The following CGNL1 variants were observed in gnomAD, a reference collection of about 807,000 sequenced individuals.
The protein encoded by CGNL1 is cingulin like 1, also known as cingulin-like protein 1.
CGNL1 carries 132 observed loss-of-function variants against 141.2 expected under a neutral mutation model. The observed-to-expected ratio is 0.93, with a 90% confidence interval of 0.81 to 1.08. CGNL1 has a LOEUF of 1.08. Among genes scored for constraint, CGNL1 ranks in the 50% least tolerant of loss-of-function variants. The pLI is 0.00. For missense variants in CGNL1, 1,870 were observed against 1,588.6 expected, an observed-to-expected ratio of 1.18 and a Z score of -3.01; for synonymous variants, 690 against 622.1, an observed-to-expected ratio of 1.11 and a Z score of -1.63.
intron 14 of CGNL1, among the ~76,000 whole-genome samples, chr15:57,540,544 G>C (rs1439074607): frequency 6.6e-6 from 1 of 152,184 alleles, no homozygotes; most frequent in Non-Finnish European, 1.5e-5. Context: ...GATGAGATTT[G>C]GGTGGGGACT....
At chr15:57,453,579 G>C in intron 6 of CGNL1, 104 bp from the exon 7 acceptor site, 1 of 1,441,578 alleles carries the variant, frequency 6.9e-7, no homozygotes, top group Non-Finnish European at 9.4e-7. Flanking sequence ...GAGGCTCCTT[G>C]GGGCTTTAGA....
intron 8 of CGNL1, among the ~76,000 whole-genome samples, chr15:57,493,042 A>G (rs531744609): frequency 6.6e-6 from 1 of 152,316 alleles, no homozygotes; most frequent in South Asian, 2.1e-4. Context: ...ATGTGAGTGT[A>G]TGAGTATGAT....
intron 8 of CGNL1, among the ~76,000 whole-genome samples, chr15:57,514,341 G>T (rs576107919): frequency 6.6e-6 from 1 of 152,056 alleles, no homozygotes; most frequent in African/African-American, 2.4e-5. Context: ...TAGTAGAGAT[G>T]GGGTTTTATC....
intron 10 of CGNL1, among the ~76,000 whole-genome samples, chr15:57,523,041 A>G (rs1412167928): frequency 6.6e-6 from 1 of 152,206 alleles, no homozygotes; most frequent in Non-Finnish European, 1.5e-5. Flanking sequence ...TAGTTATTCT[A>G]ACTGTAAGAA....
intron 14 of CGNL1, among the ~76,000 whole-genome samples, chr15:57,533,457 C>A (rs544304965): frequency 5.3e-5 from 8 of 152,190 alleles, no homozygotes; most frequent in African/African-American, 9.7e-5. Context: ...ACGTTCCCCC[C>A]AGACATGTCA....
intron 16 of CGNL1, among the ~76,000 whole-genome samples, chr15:57,545,291 C>CATCT (rs1279879353): frequency 4.6e-5 from 7 of 152,208 alleles, no homozygotes; most frequent in Non-Finnish European, 8.8e-5. Context: ...AGACCCAAGA[C>CATCT]ATCTGCAGTT....
chr15:57,464,204 C>A (rs1190867193), intron 8 of CGNL1, among the ~76,000 whole-genome samples: 3 of 151,866 alleles, frequency 2.0e-5, no homozygotes, highest in Admixed American at 6.6e-5. Flanking sequence ...GACAAGCTGG[C>A]TGGAGGGCAT....
chr15:57,547,543 C>T lies in CGNL1; in HGVS notation c.*53C>T, dbSNP rs2032936794. ...GTCATTCCTGCAGGAGCTGCAGCCA[C>T]CCAAAGTGGGAGGCAGGGAGGGGAG... On this transcript the variant is annotated 3_prime_UTR_variant, in exon 19 of 19. Transcript: ENST00000281282. 4.4e-6 allele frequency: 7 copies of T among 1,590,190 alleles called. No individual in the cohort carries two copies. The highest frequency in any genetic ancestry group is 5.1e-6 in the Non-Finnish European group (6 of 1,167,144).
chr15:57,535,815 A>G (rs1225794504), intron 14 of CGNL1, among the ~76,000 whole-genome samples: 1 of 152,180 alleles, frequency 6.6e-6, no homozygotes, highest in Non-Finnish European at 1.5e-5. Flanking sequence ...GGCGACTGAG[A>G]GGAGGCCTCA....
chr15:57,487,571 A>G (rs2063801677), intron 8 of CGNL1, among the ~76,000 whole-genome samples: 1 of 152,210 alleles, frequency 6.6e-6, no homozygotes, highest in Non-Finnish European at 1.5e-5. Context: ...GAATCTATAT[A>G]CTCAGATTTT....
At chr15:57,390,139 A>C (rs2062526413) in intron 1 of CGNL1, among the ~76,000 whole-genome samples, 1 of 152,180 alleles carries the variant, frequency 6.6e-6, no homozygotes, top group South Asian at 2.1e-4. Context: ...CTTTATGACC[A>C]CAAAGGTTCA....
At chr15:57,429,051 A>AG (rs2063013639) in intron 1 of CGNL1, among the ~76,000 whole-genome samples, 1 of 151,808 alleles carries the variant, frequency 6.6e-6, no homozygotes, top group African/African-American at 2.4e-5. Context: ...AAAAAAAAAA[A>AG]GTGCAGCTGC....
intron 8 of CGNL1, among the ~76,000 whole-genome samples, chr15:57,497,589 A>C (rs1181413420): frequency 6.6e-6 from 1 of 152,212 alleles, no homozygotes; most frequent in African/African-American, 2.4e-5. Context: ...AAATAGGAAA[A>C]TTATTGGAGC....
chr15:57,451,746 T>C (rs1343552407), intron 5 of CGNL1, 145 bp downstream of exon 5: 2 of 629,122 alleles, frequency 3.2e-6, no homozygotes, highest in East Asian at 5.6e-5. Flanking sequence ...TAAATTCCTG[T>C]GTATTTGGCT....
In CGNL1 at chr15:57,461,867, G is replaced by A. The variant is rs2063451675; in HGVS notation, c.2378G>A (p.Arg793Lys). Residue 793 changes from arginine (R) to lysine (K), a missense_variant, in exon 8 of 19, where the codon AGG becomes AAG. Physicochemically the swap from Arg to Lys is conservative, Grantham distance 26. Transcript: ENST00000281282. ...TATGATGCTGAGTTGCAGGCCCTGA[G>A]GGAGAGTGTGGAAGAAGCAACCAAG... ...EQYDAELQAL[R>K]ESVEEATKNV... is the part of the protein sequence containing the mutation. 4 of 1,613,800 alleles carry A rather than the reference G, an allele frequency of 2.5e-6. No homozygotes were observed. Among genetic ancestry groups the A allele is most frequent in the Non-Finnish European group, 3.4e-6 (4 of 1,179,960 alleles).
In CGNL1 at chr15:57,547,678, G is replaced by A. The variant is rs1178959447; in HGVS notation, c.*188G>A. 5.0e-6 allele frequency: 3 copies of A among 601,890 alleles called. No homozygotes were observed. The African/African-American group carries it at 5.7e-5, about 11-fold the overall frequency. The allele number at this position is 601,890 out of a possible 1,614,324, so 37.3% of individuals were successfully genotyped here. A position where few individuals can be genotyped will look rare whatever the true frequency, so the allele number is the denominator to read the frequency against. The stretch of plus-strand genomic sequence containing the variant: ...AGTGGGTCTTCGACAGAGAGCTTTT[G>A]CAGTTTAAAATGTTGGGATGCCTGA... On this transcript the variant is annotated 3_prime_UTR_variant, in exon 19 of 19. Transcript: ENST00000281282.
chr15:57,405,513 A>G (rs1401131437), intron 1 of CGNL1, among the ~76,000 whole-genome samples: 1 of 152,148 alleles, frequency 6.6e-6, no homozygotes, highest in African/African-American at 2.4e-5. Context: ...TTTCTGTGAC[A>G]TCCTTTGATC....
Position 57,439,370 on chromosome 15 carries a change from C to T in CGNL1, c.1371C>T (p.Ala457=). 4 of 1,614,140 alleles carry T rather than the reference C, an allele frequency of 2.5e-6. No homozygotes were observed. Among genetic ancestry groups the T allele is most frequent in the Non-Finnish European group, 3.4e-6 (4 of 1,180,016 alleles). ...LQGAAHGASC[A]HSRPPQPNID... ...GAGCAGCGCACGGGGCTTCATGTGC[C>T]CACTCCAGGCCTCCCCAGCCGAACA... The change falls in exon 2 of 19, where the codon GCC becomes GCT. Residue 457 remains alanine, a synonymous_variant. Coordinates refer to ENST00000281282, the MANE Select transcript of CGNL1 (RefSeq NM_032866.5).
At chr15:57,497,458 G>T (rs1189783832) in intron 8 of CGNL1, among the ~76,000 whole-genome samples, 2 of 152,182 alleles carry the variant, frequency 1.3e-5, no homozygotes, top group African/African-American at 4.8e-5. Context: ...CTTGGCCTCA[G>T]CAGGGGAAAA....
Sources: gnomAD v4.1 joint callset for allele counts (sites outside exome capture counted in the v4.1 genomes callset) on GRCh38, gnomAD v4.1.1 for gene constraint, MANE v1.5 for transcripts, NCBI Gene and HGNC (gene_info 2026-07-23, HGNC 2026-07-21) for gene names.